The following NDRG1 variants were observed in gnomAD, a reference collection of about 807,000 sequenced individuals.
The protein encoded by NDRG1 is protein NDRG1.
NDRG1 carries 32 observed loss-of-function variants against 56.9 expected under a neutral mutation model. The observed-to-expected ratio is 0.56, with a 90% CI of 0.42 to 0.76. The LOEUF is 0.76. Ranked by LOEUF, NDRG1 falls within the 30% of genes least tolerant of loss-of-function variation. The pLI is 0.00. For missense variants in NDRG1, 507 were observed against 545.7 expected (o/e 0.93, Z 0.71); for synonymous variants, 211 against 204.1 (o/e 1.03, Z -0.29).
At chr8:133,251,815 A>C (rs1358975051) in intron 9 of NDRG1, among the ~76,000 whole-genome samples, 1 of 152,240 alleles carries the variant, frequency 6.6e-6, no homozygotes, top group Non-Finnish European at 1.5e-5. Flanking sequence ...TCTTGAGATG[A>C]GATAATCCTG....
At chr8:133,266,224 G>A (rs1226229813) in intron 3 of NDRG1, among the ~76,000 whole-genome samples, 3 of 152,332 alleles carry the variant, frequency 2.0e-5, no homozygotes, top group South Asian at 2.1e-4. Flanking sequence ...CACTTGACCC[G>A]CCCGCAAGCG....
intron 5 of NDRG1, among the ~76,000 whole-genome samples, chr8:133,260,962 T>C (rs1856631924): frequency 6.6e-6 from 1 of 151,958 alleles, no homozygotes; most frequent in African/African-American, 2.4e-5. Flanking sequence ...CAAGGGGAAA[T>C]TGAAAGGCCA....
At chr8:133,261,339 C>T (rs1241226623) in intron 5 of NDRG1, among the ~76,000 whole-genome samples, 1 of 152,164 alleles carries the variant, frequency 6.6e-6, no homozygotes, top group East Asian at 1.9e-4. Context: ...ACCATGTTGG[C>T]CAGGCTGGTC....
At chr8:133,279,358 A>T (rs1857648977) in intron 3 of NDRG1, among the ~76,000 whole-genome samples, 1 of 152,226 alleles carries the variant, frequency 6.6e-6, no homozygotes, top group South Asian at 2.1e-4. Flanking sequence ...ACAGTGCAAG[A>T]TTCCTCGCCT....
chr8:133,266,226 C>T (rs1287295802), intron 3 of NDRG1, among the ~76,000 whole-genome samples: 8 of 152,234 alleles, frequency 5.3e-5, no homozygotes, highest in Non-Finnish European at 2.9e-5. Context: ...CTTGACCCGC[C>T]CGCAAGCGGC....
chr8:133,284,637 A>AC (rs564821031), intron 1 of NDRG1: 828 of 468,202 alleles, frequency 1.8e-3, no homozygotes, highest in Admixed American at 4.3e-3. Flanking sequence ...GTTCAGGCCC[A>AC]CCCACCATAC....
chr8:133,266,657 C>G (rs115276770), intron 3 of NDRG1, among the ~76,000 whole-genome samples: 1 of 152,212 alleles, frequency 6.6e-6, no homozygotes, highest in Non-Finnish European at 1.5e-5. Flanking sequence ...GATCGGATTC[C>G]ACCTCTGCTA....
At chr8:133,247,792 G>A in intron 12 of NDRG1, 83 bp downstream of exon 12, 1 of 1,414,518 alleles carries the variant, frequency 7.1e-7, no homozygotes, top group Non-Finnish European at 1.0e-6. Flanking sequence ...AGGAGAGGAG[G>A]GGCAGGCAGG....
Position 133,264,594 on chromosome 8 carries a change from T to C in NDRG1, c.158A>G (p.Lys53Arg), listed in dbSNP as rs140634799. The change falls in exon 4 of 16, where the codon AAG (lysine) becomes AGG (arginine). Residue 53 changes from lysine (K) to arginine (R), a missense_variant. Physicochemically the swap from Lys to Arg is conservative, Grantham distance 26. Transcript: ENST00000323851. ...GGTGAGGATGACAGGCCGGTTTCCCTTGGGAGTCCCACACAGCGTGACGTG... is the reference window on the plus strand; with the variant it reads ...GGTGAGGATGACAGGCCGGTTTCCCCTGGGAGTCCCACACAGCGTGACGTG... ...SVHVTLCGTP[K>R]GNRPVILTYH... 2.6e-5 allele frequency: 42 copies of C among 1,614,206 alleles called. No individual in the cohort carries two copies. In the African/African-American group the frequency reaches 5.3e-4, roughly 20 times the overall value.
intron 13 of NDRG1, chr8:133,244,685 A>C (rs560354854): frequency 1.9e-6 from 1 of 536,874 alleles, no homozygotes; most frequent in East Asian, 3.2e-5. Flanking sequence ...CAGCTGTCCC[A>C]TTTTACAGGC....
intron 5 of NDRG1, among the ~76,000 whole-genome samples, chr8:133,260,612 T>C (rs868469821): frequency 2.0e-5 from 3 of 152,332 alleles, no homozygotes; most frequent in Middle Eastern, 3.4e-3. Context: ...ACCAAAGATT[T>C]ACGGACACAC....
chr8:133,263,245 T>C (rs1856747055), intron 4 of NDRG1, among the ~76,000 whole-genome samples: 1 of 152,126 alleles, frequency 6.6e-6, no homozygotes, highest in Admixed American at 6.5e-5. Context: ...AAGGTGAGAA[T>C]GAAGTGAAAA....
intron 1 of NDRG1, among the ~76,000 whole-genome samples, chr8:133,292,499 C>T (rs887451270): frequency 3.8e-4 from 58 of 152,262 alleles, no homozygotes; most frequent in African/African-American, 1.3e-3. Context: ...AACCCAGCCT[C>T]CCCTCCAGCA....
intron 3 of NDRG1, among the ~76,000 whole-genome samples, chr8:133,277,840 T>C (rs1441022258): frequency 6.6e-6 from 1 of 152,130 alleles, no homozygotes; most frequent in Non-Finnish European, 1.5e-5. Context: ...CACCACCACT[T>C]AACAAGCCTG....
At chr8:133,242,175 G>A (rs970459701) in intron 14 of NDRG1, 101 bp from the exon 15 acceptor site, 4 of 1,227,186 alleles carry the variant, frequency 3.3e-6, no homozygotes, top group Non-Finnish European at 4.8e-6. Context: ...TTGAGAGTTT[G>A]GCTCAAGACA....
At chr8:133,246,518 G>T in intron 13 of NDRG1, 98 bp downstream of exon 13, 1 of 1,194,690 alleles carries the variant, frequency 8.4e-7, no homozygotes, top group Non-Finnish European at 1.3e-6. Context: ...GTTTCTGATC[G>T]TGTGCCTTGC....
intron 3 of NDRG1, among the ~76,000 whole-genome samples, chr8:133,273,274 T>G (rs78933297): frequency 6.6e-6 from 1 of 152,298 alleles, no homozygotes; most frequent in African/African-American, 2.4e-5. Context: ...AAAAGCAATT[T>G]GAAGCCACAG....
chr8:133,265,792 G>T (rs1341372946), intron 3 of NDRG1, among the ~76,000 whole-genome samples: 1 of 152,122 alleles, frequency 6.6e-6, no homozygotes, highest in African/African-American at 2.4e-5. Context: ...CTCCTGCAGA[G>T]GGTGGTCGTG....
intron 3 of NDRG1, among the ~76,000 whole-genome samples, chr8:133,272,279 G>T (rs1857230577): frequency 6.6e-6 from 1 of 152,232 alleles, no homozygotes; most frequent in Non-Finnish European, 1.5e-5. Flanking sequence ...GAATTAGGAA[G>T]AACATCTTTG....
Sources: allele counts gnomAD v4.1 joint callset (sites outside exome capture counted in the v4.1 genomes callset), GRCh38; gene constraint gnomAD v4.1.1; transcripts MANE v1.5; gene names NCBI Gene and HGNC (gene_info 2026-07-23, HGNC 2026-07-21).